Variants in ALDH16A1 observed in about 807,000 individuals in gnomAD.
The protein encoded by ALDH16A1 is aldehyde dehydrogenase 16 family member A1, also known as aldehyde dehydrogenase family 16 member A1.
Under a neutral mutation model 96.1 loss-of-function variants are expected in ALDH16A1, and 88 were observed. The ratio of observed to expected loss-of-function variants is 0.92; its 90% CI spans 0.77 to 1.09. The LOEUF is 1.09. ALDH16A1 is among the 50% of genes least tolerant of loss of function. ALDH16A1 has a pLI of 0.00. For missense variants in ALDH16A1, 1,250 were observed against 1,112.6 expected, an observed-to-expected ratio of 1.12 and a Z score of -1.76; for synonymous variants, 522 against 496.4, an observed-to-expected ratio of 1.05 and a Z score of -0.69.
chr19:49,463,027 A>AAT (rs2079166037), intron 8 of ALDH16A1, among the ~76,000 whole-genome samples: 1 of 83,076 alleles, frequency 1.2e-5, no homozygotes, highest in Non-Finnish European at 2.2e-5. Context: ...CTGGGCCTGG[A>AAT]CTCCTGGGTC....
Position 49,468,555 on chromosome 19 carries a change from G to T in ALDH16A1, c.2113G>T (p.Glu705Ter). 6.2e-7 allele frequency: 1 copy of T among 1,604,174 alleles called. No homozygotes were observed. Among genetic ancestry groups the T allele is most frequent in the Non-Finnish European group, 8.5e-7 (1 of 1,179,864 alleles). ...PSAACPLLAL[E>*]VCQDMATVFP... Reference sequence around the variant, plus strand: ...TGCGGCCTGTCCTCTGCTGGCCCTGGAGGTCTGCCAGGTATAGCCCCCTGC... The same window carrying T: ...TGCGGCCTGTCCTCTGCTGGCCCTGTAGGTCTGCCAGGTATAGCCCCCTGC... The change falls in exon 15 of 17, where the codon GAG becomes TAG. Residue 705 changes from glutamate to a stop codon, truncating the protein, a stop_gained. Transcript: ENST00000293350. LOFTEE classifies it high-confidence loss of function. The surrounding 1 kb of genome is among the most constrained non-coding windows in gnomAD (Gnocchi z 4.4).
chr19:49,457,785 AT>A (rs2079114015), intron 1 of ALDH16A1, among the ~76,000 whole-genome samples: 1 of 151,402 alleles, frequency 6.6e-6, no homozygotes, highest in Non-Finnish European at 1.5e-5. Flanking sequence ...AACTTTTTGT[AT>A]TTTTTGTAGA....
chr19:49,465,666 C>G (rs897126629), intron 12 of ALDH16A1, 72 bp from the exon 13 acceptor site: 262 of 1,506,592 alleles, frequency 1.7e-4, no homozygotes, highest in Non-Finnish European at 2.3e-4. Context: ...GCAGTCTTCC[C>G]AGTGCGGTAG....
intron 2 of ALDH16A1, 27 bp from the exon 3 acceptor site, chr19:49,458,933 T>C: frequency 6.2e-7 from 1 of 1,604,160 alleles, no homozygotes; most frequent in Non-Finnish European, 8.5e-7. Context: ...ACTCCTCCCA[T>C]CTGAGTCCCC....
intron 12 of ALDH16A1, among the ~76,000 whole-genome samples, chr19:49,465,395 G>T (rs2079189465): frequency 6.7e-6 from 1 of 149,238 alleles, no homozygotes; most frequent in African/African-American, 2.5e-5. Context: ...GGAGTTTAGG[G>T]TACCCAGAGG....
intron 14 of ALDH16A1, among the ~76,000 whole-genome samples, 194 bp downstream of exon 14, chr19:49,466,477 G>A (rs559303621): frequency 2.6e-5 from 4 of 152,314 alleles, no homozygotes; most frequent in East Asian, 1.9e-4. Flanking sequence ...AACCCGCCTC[G>A]TAGAGTAGCG....
Position 49,470,697 on chromosome 19 carries a change from G to A in ALDH16A1, c.*230G>A, listed in dbSNP as rs2079239173. 1 of 397,834 alleles carries A rather than the reference G, an allele frequency of 2.5e-6. No homozygotes were observed. The highest frequency in any genetic ancestry group is 4.3e-6 in the Non-Finnish European group (1 of 232,240). 24.6% of individuals were successfully genotyped at this position (397,834 alleles called of 1,614,324 possible). ...AACGTCTGGCTCTGTCACCCAGGCT[G>A]GAGCGCAGTGGCACAATCTCGGCCC... On this transcript the variant is annotated 3_prime_UTR_variant, in exon 17 of 17. Transcript: ENST00000293350.
rs775257484 is a variant in ALDH16A1, at chr19:49,459,707, T to C, written c.358T>C (p.Trp120Arg). The C allele has an allele frequency of 3.7e-6, 6 of 1,612,546 alleles. No homozygotes were observed. In the Admixed American group the frequency reaches 6.7e-5, roughly 18 times the overall value. The part of the protein sequence containing the change: ...EVIQKHQRLL[W>R]TLESLVTGRA... The stretch of plus-strand genomic sequence containing the variant: ...GATCCAGAAGCACCAGCGGCTGCTG[T>C]GGACCCTGGAATCCCTGGTGACTGG... Residue 120 changes from tryptophan to arginine, a missense_variant, in exon 4 of 17, where the codon TGG (tryptophan) becomes CGG (arginine). Coordinates refer to ENST00000293350, the MANE Select transcript of ALDH16A1 (RefSeq NM_153329.4). The surrounding 1 kb of genome is among the most constrained non-coding windows in gnomAD (Gnocchi z 4.1).
At chr19:49,466,863 A>G (rs1316481604) in intron 14 of ALDH16A1, among the ~76,000 whole-genome samples, 1 of 150,370 alleles carries the variant, frequency 6.7e-6, no homozygotes, top group Non-Finnish European at 1.5e-5. Flanking sequence ...TTGTGTCACA[A>G]AAAAAAACAA....
intron 16 of ALDH16A1, 114 bp from the exon 17 acceptor site, chr19:49,470,192 A>G: frequency 1.5e-6 from 2 of 1,302,084 alleles, no homozygotes; most frequent in Non-Finnish European, 2.1e-6. Flanking sequence ...TTGTAGCTGC[A>G]GAGCCTGGGT....
At chr19:49,470,153 TG>T in intron 16 of ALDH16A1, 152 bp from the exon 17 acceptor site, 2 of 888,260 alleles carry the variant, frequency 2.3e-6, no homozygotes, top group South Asian at 3.4e-5. Flanking sequence ...CCCTACCATC[TG>T]GAAGTTCTGC....
At chr19:49,465,095 G>C (rs887778828) in intron 12 of ALDH16A1, among the ~76,000 whole-genome samples, 1 of 151,502 alleles carries the variant, frequency 6.6e-6, no homozygotes, top group African/African-American at 2.4e-5. Flanking sequence ...AGAAACTTGG[G>C]GTCCTCCAGA....
Position 49,459,235 on chromosome 19 carries a change from T to C in ALDH16A1, c.320+149T>C. 7.9e-7 allele frequency: 1 copy of C among 1,263,850 alleles called. No individual in the cohort carries two copies. Among genetic ancestry groups the C allele is most frequent in the East Asian group, 2.5e-5 (1 of 39,842 alleles). 78.3% of individuals were successfully genotyped at this position (1,263,850 alleles called of 1,614,324 possible). A position where few individuals can be genotyped will look rare whatever the true frequency, so the allele number is the denominator to read the frequency against. ...AGTATGTGCTGGAGGCAGTCGTGGC[T>C]GAAACATGCATCCGTTGTCCACTAT... is the stretch of plus-strand genomic sequence containing the variant. On this transcript the variant is annotated intron_variant, in intron 3 of 16. Coordinates refer to ENST00000293350, the MANE Select transcript of ALDH16A1 (RefSeq NM_153329.4). This position sits in a 1 kb window ranked among gnomAD's most constrained non-coding sequence, Gnocchi z 4.1.
At chr19:49,455,936 C>T (rs1371292230) in intron 1 of ALDH16A1, among the ~76,000 whole-genome samples, 3 of 152,062 alleles carry the variant, frequency 2.0e-5, no homozygotes, top group African/African-American at 7.2e-5. Context: ...TGTAAACATC[C>T]GGGAGGTCCT....
intron 1 of ALDH16A1, among the ~76,000 whole-genome samples, chr19:49,454,031 G>GTTGTTTT (rs2079090368): frequency 7.4e-6 from 1 of 135,184 alleles, no homozygotes; most frequent in African/African-American, 2.8e-5. Context: ...TTTTTTTTTT[G>GTTGTTTT]TTTTTTTTTT....
chr19:49,464,510 C>T lies in ALDH16A1; in HGVS notation c.1425C>T (p.His475=), dbSNP rs527613185. 72 of 1,613,792 alleles carry T rather than the reference C, an allele frequency of 4.5e-5. No individual in the cohort carries two copies. The Admixed American group carries it at 9.2e-4, about 21-fold the overall frequency. The change falls in exon 11 of 17, where the codon CAC becomes CAT. Residue 475 remains histidine, a synonymous_variant. Transcript: ENST00000293350. ...GGCKESGCSW[H]GGPDGLYEYL... is the part of the protein sequence containing the mutation. ...GCAAGGAGAGTGGGTGTTCCTGGCACGGGGGCCCAGACGTGAGTACATCCC... is the reference window on the plus strand; with the variant it reads ...GCAAGGAGAGTGGGTGTTCCTGGCATGGGGGCCCAGACGTGAGTACATCCC...
At chr19:49,465,611 T>A (rs773092353) in intron 12 of ALDH16A1, 127 bp from the exon 13 acceptor site, 12 of 1,164,806 alleles carry the variant, frequency 1.0e-5, no homozygotes, top group Non-Finnish European at 1.3e-5. Flanking sequence ...CAGAGGCTCA[T>A]GGGAACAGGG....
At position 49,466,137 on chromosome 19, in the gene ALDH16A1, G is replaced by C. The variant is rs867604944; in HGVS notation, c.1792G>C (p.Ala598Pro). 1 of 1,556,518 alleles carries C rather than the reference G, an allele frequency of 6.4e-7. No individual in the cohort carries two copies. Among genetic ancestry groups the C allele is most frequent in the East Asian group, 2.4e-5 (1 of 42,472 alleles). The change falls in exon 14 of 17, where the codon GCA (alanine) becomes CCA (proline). Residue 598 changes from alanine to proline, a missense_variant. Ala to Pro is a conservative substitution (Grantham distance 27). Transcript: ENST00000293350. ...RAALLWALAA[A>P]LERRKSTLAS... Reference sequence around the variant, plus strand: ...AGCCCTGCTGTGGGCCCTGGCGGCTGCACTGGAGCGCCGGAAGTCTACCCT... The same window carrying C: ...AGCCCTGCTGTGGGCCCTGGCGGCTCCACTGGAGCGCCGGAAGTCTACCCT...
At chr19:49,467,955 C>T (rs190940347) in intron 14 of ALDH16A1, among the ~76,000 whole-genome samples, 1 of 151,178 alleles carries the variant, frequency 6.6e-6, no homozygotes, top group African/African-American at 2.4e-5. Context: ...GAGATCGAGA[C>T]CATCCTGGCT....
Sources: gnomAD v4.1 joint callset for allele counts (sites outside exome capture counted in the v4.1 genomes callset) on GRCh38, gnomAD v4.1.1 for gene constraint, Gnocchi (gnomAD v3.1) non-coding constraint, MANE v1.5 for transcripts, NCBI Gene and HGNC (gene_info 2026-07-23, HGNC 2026-07-21) for gene names.